The following CNTNAP5 variants were observed in gnomAD, a reference collection of about 807,000 sequenced individuals.
CNTNAP5 encodes contactin associated protein family member 5, also known as contactin-associated protein-like 5.
Under a neutral mutation model 150.2 loss-of-function variants are expected in CNTNAP5, and 72 were observed. That is an observed-to-expected ratio of 0.48 (90% CI 0.40 to 0.58). CNTNAP5 has a LOEUF of 0.58. Among genes scored for constraint, CNTNAP5 ranks in the 20% least tolerant of loss-of-function variants. The pLI is 0.00. For missense variants in CNTNAP5, 1,636 were observed against 1,626.2 expected (o/e 1.01, Z -0.10); for synonymous variants, 672 against 619.8 (o/e 1.08, Z -1.25).
rs371834823 is a variant in CNTNAP5 at position 124,647,806 on chromosome 2, G to C, written c.1925G>C (p.Arg642Pro). ...CAGCACAACAATACAGAGCTGACCC[G>C]AGTGCGGGGCGCTAACCCTGAGAAG... ...SVQHNNTELT[R>P]VRGANPEKPY... is the part of the protein sequence containing the mutation. The change falls in exon 13 of 24, where the codon CGA becomes CCA. Residue 642 changes from arginine (R) to proline (P), a missense_variant. Physicochemically the swap from Arg to Pro is moderately radical, Grantham distance 103. Transcript: ENST00000682447. 2.5e-5 allele frequency: 40 copies of C among 1,613,230 alleles called. No individual in the cohort carries two copies. Among genetic ancestry groups the C allele is most frequent in the East Asian group, 2.2e-4 (10 of 44,868 alleles).
intron 21 of CNTNAP5, among the ~76,000 whole-genome samples, chr2:124,899,572 A>G (rs60889140): frequency 6.6e-6 from 1 of 151,548 alleles, no homozygotes; most frequent in South Asian, 2.1e-4. Context: ...CAGTGACAAG[A>G]CTTTTGAACA....
At chr2:124,034,512 GT>G (rs1329245317) in intron 1 of CNTNAP5, among the ~76,000 whole-genome samples, 1 of 152,168 alleles carries the variant, frequency 6.6e-6, no homozygotes, top group Non-Finnish European at 1.5e-5. Flanking sequence ...AAATATCACC[GT>G]TCTGGATCCC....
Position 124,472,768 on chromosome 2 carries a change from T to C in CNTNAP5, c.919-1971T>C, listed in dbSNP as rs142049950. On this transcript the variant is annotated intron_variant, in intron 6 of 23. Transcript: ENST00000682447. ...CAATAATCACATTATATTTGAAATA[T>C]ATATGCCTCAATTTAAAGATATTTT... is the stretch of plus-strand genomic sequence containing the variant. 4.5e-4 allele frequency among the ~76,000 whole-genome samples: 68 copies of C among 151,926 alleles called. No homozygotes were observed. In the East Asian group the frequency reaches 0.012, roughly 28 times the overall value.
At chr2:124,624,957 A>G (rs1309834605) in intron 12 of CNTNAP5, among the ~76,000 whole-genome samples, 1 of 152,198 alleles carries the variant, frequency 6.6e-6, no homozygotes, top group Non-Finnish European at 1.5e-5. Context: ...AGAGATAGGC[A>G]CCATCTGGAG....
intron 8 of CNTNAP5, among the ~76,000 whole-genome samples, chr2:124,510,259 A>ATATATC (rs1558933158): frequency 1.4e-4 from 18 of 127,382 alleles, no homozygotes; most frequent in African/African-American, 3.7e-4. Context: ...ATCTATATCT[A>ATATATC]TATATCTATA....
At chr2:124,269,484 G>T (rs1195189180) in intron 3 of CNTNAP5, among the ~76,000 whole-genome samples, 4 of 152,142 alleles carry the variant, frequency 2.6e-5, no homozygotes, top group African/African-American at 9.7e-5. Flanking sequence ...TTTCCCAGCT[G>T]TGCTTCCAGT....
chr2:124,676,971 G>A (rs1363557188), intron 13 of CNTNAP5, among the ~76,000 whole-genome samples: 1 of 152,210 alleles, frequency 6.6e-6, no homozygotes, highest in Admixed American at 6.5e-5. Context: ...GAAGTGTGGA[G>A]CATCTCAGTT....
chr2:124,525,313 G>T (rs371033907), intron 9 of CNTNAP5, among the ~76,000 whole-genome samples: 1 of 152,220 alleles, frequency 6.6e-6, no homozygotes, highest in South Asian at 2.1e-4. Context: ...TCTGAAACAC[G>T]GGGAAATAAG....
At chr2:124,601,315 G>T (rs1359345889) in intron 11 of CNTNAP5, among the ~76,000 whole-genome samples, 1 of 152,146 alleles carries the variant, frequency 6.6e-6, no homozygotes, top group African/African-American at 2.4e-5. Context: ...TCTAACAAGA[G>T]CAAGAGAAAG....
chr2:124,203,225 A>G (rs926410363), intron 1 of CNTNAP5, among the ~76,000 whole-genome samples: 4 of 152,140 alleles, frequency 2.6e-5, no homozygotes, highest in East Asian at 1.9e-4. Flanking sequence ...AAACTTCAAA[A>G]TGATCTCCTT....
At chr2:124,240,139 G>A (rs79214668) in intron 2 of CNTNAP5, among the ~76,000 whole-genome samples, 11,295 of 152,170 alleles carry the variant, frequency 0.074, 589 homozygotes, top group Non-Finnish European at 0.11. Flanking sequence ...TACTTAAAAG[G>A]ATATTGTATA....
intron 7 of CNTNAP5, among the ~76,000 whole-genome samples, chr2:124,502,051 G>A (rs980660677): frequency 6.6e-6 from 1 of 152,274 alleles, no homozygotes; most frequent in African/African-American, 2.4e-5. Context: ...AGCTGTCCAA[G>A]GACCGAAAGC....
At chr2:124,430,616 A>T (rs996751113) in intron 4 of CNTNAP5, among the ~76,000 whole-genome samples, 6 of 152,206 alleles carry the variant, frequency 3.9e-5, no homozygotes, top group Non-Finnish European at 8.8e-5. Context: ...GTTCAATGAA[A>T]TACTTTAGCA....
intron 1 of CNTNAP5, among the ~76,000 whole-genome samples, chr2:124,075,807 T>G (rs1163175046): frequency 6.6e-6 from 1 of 152,184 alleles, no homozygotes; most frequent in East Asian, 1.9e-4. Flanking sequence ...GCTGTGCATC[T>G]CTTATGTATG....
intron 3 of CNTNAP5, among the ~76,000 whole-genome samples, chr2:124,401,877 G>T (rs1691434539): frequency 6.6e-6 from 1 of 152,148 alleles, no homozygotes; most frequent in African/African-American, 2.4e-5. Context: ...GGGGCCAGGT[G>T]CTGGTCACTC....
At chr2:124,518,706 A>G (rs1266035885) in intron 8 of CNTNAP5, among the ~76,000 whole-genome samples, 1 of 152,044 alleles carries the variant, frequency 6.6e-6, no homozygotes, top group African/African-American at 2.4e-5. Context: ...TACTTAATTG[A>G]CCAGGTGTGG....
At chr2:124,592,762 A>G (rs912458525) in intron 11 of CNTNAP5, among the ~76,000 whole-genome samples, 1 of 152,028 alleles carries the variant, frequency 6.6e-6, no homozygotes, top group Non-Finnish European at 1.5e-5. Flanking sequence ...TTATTTTTCT[A>G]TGAGTCTCCA....
intron 13 of CNTNAP5, among the ~76,000 whole-genome samples, chr2:124,716,668 C>A (rs1234809724): frequency 6.6e-6 from 1 of 152,064 alleles, no homozygotes; most frequent in Non-Finnish European, 1.5e-5. Flanking sequence ...AGTAAAGATT[C>A]ATGCTTGATA....
At chr2:124,261,020 A>G (rs1282621147) in intron 3 of CNTNAP5, among the ~76,000 whole-genome samples, 4 of 152,148 alleles carry the variant, frequency 2.6e-5, no homozygotes, top group African/African-American at 9.7e-5. Flanking sequence ...TTGTGGGTGG[A>G]AATACACCTC....
Sources: allele counts gnomAD v4.1 joint callset (sites outside exome capture counted in the v4.1 genomes callset), GRCh38; gene constraint gnomAD v4.1.1; transcripts MANE v1.5; gene names NCBI Gene and HGNC (gene_info 2026-07-23, HGNC 2026-07-21).